Variants in TET2 observed in about 807,000 individuals in gnomAD.
TET2 encodes the protein tet methylcytosine dioxygenase 2.
Under a neutral mutation model 142.9 loss-of-function variants are expected in TET2, and 299 were observed. The observed-to-expected ratio is 2.09, with a 90% confidence interval of 1.90 to 2.30. The LOEUF (loss-of-function observed/expected upper bound fraction) is 2.30, where lower values mean the gene tolerates loss of function less well. TET2 is among the 30% of genes most tolerant of loss of function. The pLI, the probability that TET2 is intolerant of heterozygous loss-of-function variation, is 0.00. For synonymous variants in TET2, 819 were observed against 849.0 expected, an observed-to-expected ratio of 0.96 and a Z score of 0.61; for missense variants, 2,418 against 2,378.0, an observed-to-expected ratio of 1.02 and a Z score of -0.35.
rs1273672389 is a variant in TET2, at chr4:105,235,647, G to A, written c.1705G>A (p.Ala569Thr). 3 of 1,613,986 alleles carry A rather than the reference G, an allele frequency of 1.9e-6. No individual in the cohort carries two copies. In the Admixed American group the frequency reaches 5.0e-5, roughly 27 times the overall value. ...YLKPGWIELK[A>T]PRFHQAESHL... ...GAAACCAGGATGGATTGAATTGAAG[G>A]CCCCTCGTTTTCACCAAGCGGAATC... Residue 569 changes from alanine to threonine, a missense_variant, in exon 3 of 11, where the codon GCC (alanine) becomes ACC (threonine). By Grantham distance (58) the Ala-to-Thr change is moderately conservative. Transcript: ENST00000380013.
Position 105,276,725 on chromosome 4 carries a change from C to A in TET2, c.*206C>A. 2 of 539,884 alleles carry A rather than the reference C, an allele frequency of 3.7e-6. No homozygotes were observed. Among genetic ancestry groups the A allele is most frequent in the Non-Finnish European group, 6.3e-6 (2 of 316,292 alleles). 33.4% of individuals were successfully genotyped at this position (539,884 alleles called of 1,614,324 possible). A position where few individuals can be genotyped will look rare whatever the true frequency, so the allele number is the denominator to read the frequency against. On this transcript the variant is annotated 3_prime_UTR_variant, in exon 11 of 11. Coordinates refer to ENST00000380013, the MANE Select transcript of TET2 (RefSeq NM_001127208.3). ...GCTCCCAAGTGGTCACAGATGGCAT[C>A]TAGGAAAAGACCAAAGCATTCTATG...
chr4:105,272,166 G>GA (rs1730993443), intron 9 of TET2, among the ~76,000 whole-genome samples: 1 of 152,146 alleles, frequency 6.6e-6, no homozygotes, highest in Admixed American at 6.5e-5. Flanking sequence ...TCATTTCGTA[G>GA]AAAAAACTTT....
Position 105,243,756 on chromosome 4 carries a change from C to A in TET2, c.3781C>A (p.Arg1261Ser), listed in dbSNP as rs898441677. Reference protein sequence around the residue: ...TLRKYGTLTNRRCALNEERTC... With the variant: ...TLRKYGTLTNSRCALNEERTC... ...GAGGAAATACGGCACGCTCACCAAT[C>A]GCCGGTGTGCCTTGAATGAAGAGTA... The change falls in exon 6 of 11, where the codon CGC becomes AGC. Residue 1261 changes from arginine to serine, a missense_variant. By Grantham distance (110) the Arg-to-Ser change is moderately radical. Coordinates refer to ENST00000380013, the MANE Select transcript of TET2 (RefSeq NM_001127208.3). The A allele has an allele frequency of 1.3e-6, 2 of 1,551,322 alleles. No individual in the cohort carries two copies. Among genetic ancestry groups the A allele is most frequent in the Non-Finnish European group, 1.7e-6 (2 of 1,146,878 alleles).
At chr4:105,258,095 G>A (rs552483605) in intron 6 of TET2, among the ~76,000 whole-genome samples, 1 of 152,238 alleles carries the variant, frequency 6.6e-6, no homozygotes, top group South Asian at 2.1e-4. Flanking sequence ...GAGCTGTGGG[G>A]AAAGTTAAAA....
At chr4:105,268,282 A>G (rs1730787360) in intron 8 of TET2, among the ~76,000 whole-genome samples, 1 of 152,200 alleles carries the variant, frequency 6.6e-6, no homozygotes, top group Non-Finnish European at 1.5e-5. Flanking sequence ...ATAAATCAAA[A>G]TAAACCATTA....
At chr4:105,163,854 A>AGAGAGAGAGAGAGAGAGTGT (rs1553942671) in intron 1 of TET2, among the ~76,000 whole-genome samples, 19 of 85,160 alleles carry the variant, frequency 2.2e-4, no homozygotes, top group Non-Finnish European at 4.1e-4. Flanking sequence ...AGAGAGAGAG[A>AGAGAGAGAGAGAGAGAGTGT]GTGTGTGTGT....
chr4:105,173,943 A>G (rs1026054533), intron 1 of TET2, among the ~76,000 whole-genome samples: 1 of 152,222 alleles, frequency 6.6e-6, no homozygotes, highest in Non-Finnish European at 1.5e-5. Context: ...TATTTTACCC[A>G]TGCATGCAAA....
intron 2 of TET2, among the ~76,000 whole-genome samples, chr4:105,222,294 A>G (rs1452060911): frequency 6.6e-6 from 1 of 152,168 alleles, no homozygotes; most frequent in Non-Finnish European, 1.5e-5. Flanking sequence ...CGCCACACTG[A>G]CTTCCACAAT....
chr4:105,178,798 C>T (rs970303520), intron 1 of TET2, among the ~76,000 whole-genome samples: 4 of 151,806 alleles, frequency 2.6e-5, no homozygotes, highest in African/African-American at 7.3e-5. Context: ...TAAATTTAGG[C>T]AATCTGAAAA....
At chr4:105,218,564 A>G (rs566606812) in intron 2 of TET2, among the ~76,000 whole-genome samples, 1 of 152,224 alleles carries the variant, frequency 6.6e-6, no homozygotes, top group East Asian at 1.9e-4. Flanking sequence ...TTAGAGAATC[A>G]TAGCATTTTA....
At chr4:105,269,835 A>G (rs1730865859) in intron 9 of TET2, 88 bp downstream of exon 9, 1 of 1,436,432 alleles carries the variant, frequency 7.0e-7, no homozygotes, top group Non-Finnish European at 9.5e-7. Flanking sequence ...TAATTTATAA[A>G]GGAAAGAGAT....
intron 2 of TET2, among the ~76,000 whole-genome samples, chr4:105,225,185 C>CGTGTGTGTGTGT (rs79864807): frequency 0.17 from 25,621 of 146,952 alleles, 2,579 homozygotes; most frequent in African/African-American, 0.26. Context: ...AGTAAAAAAT[C>CGTGTGTGTGTGT]GTGTGTGTGT....
At chr4:105,214,378 C>T (rs947784724) in intron 2 of TET2, among the ~76,000 whole-genome samples, 1 of 141,532 alleles carries the variant, frequency 7.1e-6, no homozygotes, top group African/African-American at 2.6e-5. Flanking sequence ...GTGATCATAG[C>T]TCACCGCAGC....
chr4:105,268,101 A>AAT lies in TET2; in HGVS notation c.4045-1507_4045-1506dup, dbSNP rs144711967. Among the ~76,000 whole-genome samples the AAT allele has an allele frequency of 6.8e-3, 1,037 of 152,252 alleles. 16 individuals carry two copies. Among genetic ancestry groups the AAT allele is most frequent in the African/African-American group, 0.023 (965 of 41,552 alleles). On this transcript the variant is annotated intron_variant, in intron 8 of 10. Transcript: ENST00000380013. ...TTTTAGAAAGTGCAGTAAGGCAATA[A>AAT]ATAAAGCAGTCAAGATTGGGTAGGA...
chr4:105,224,707 TC>T (rs1728074432), intron 2 of TET2, among the ~76,000 whole-genome samples: 1 of 150,840 alleles, frequency 6.6e-6, no homozygotes, highest in African/African-American at 2.4e-5. Flanking sequence ...TCTCTCTCTC[TC>T]TCTCTCTCTC....
Position 105,277,731 on chromosome 4 carries a change from A to G in TET2, c.*1212A>G, listed in dbSNP as rs757170891. 1 of 228,026 alleles carries G rather than the reference A, an allele frequency of 4.4e-6. No homozygotes were observed. The highest frequency in any genetic ancestry group is 6.3e-5 in the East Asian group (1 of 15,858). The allele number at this position is 228,026 out of a possible 1,614,324, so 14.1% of individuals were successfully genotyped here. On this transcript the variant is annotated 3_prime_UTR_variant, in exon 11 of 11. Coordinates refer to ENST00000380013, the MANE Select transcript of TET2 (RefSeq NM_001127208.3). ...TTATACAAAATTGTATGACAAGTTCATTGCTCAAAAATGTACAGTTTTAAG... is the reference window on the plus strand; with the variant it reads ...TTATACAAAATTGTATGACAAGTTCGTTGCTCAAAAATGTACAGTTTTAAG...
Position 105,236,717 on chromosome 4 carries a change from A to T in TET2, c.2775A>T (p.Ala925=). The change falls in exon 3 of 11, where the codon GCA becomes GCT. Residue 925 remains alanine (A), a synonymous_variant. Coordinates refer to ENST00000380013, the MANE Select transcript of TET2 (RefSeq NM_001127208.3). ...AQQRYLIHNH[A]NVFPVPDQGG... is the part of the protein sequence containing the mutation. ...AAAGGTACTTGATACATAACCATGCAAATGTTTTTCCTGTGCCTGACCAGG... is the reference window on the plus strand; with the variant it reads ...AAAGGTACTTGATACATAACCATGCTAATGTTTTTCCTGTGCCTGACCAGG... 1.2e-6 allele frequency: 2 copies of T among 1,614,128 alleles called. No individual in the cohort carries two copies. The highest frequency in any genetic ancestry group is 1.7e-6 in the Non-Finnish European group (2 of 1,180,022).
At chr4:105,174,966 C>G (rs1724695201) in intron 1 of TET2, among the ~76,000 whole-genome samples, 1 of 152,130 alleles carries the variant, frequency 6.6e-6, no homozygotes, top group Non-Finnish European at 1.5e-5. Context: ...TAACTCTGGA[C>G]AACTCAAACC....
chr4:105,236,420 T>A lies in TET2; in HGVS notation c.2478T>A (p.Ser826Arg), dbSNP rs2110233756. The change falls in exon 3 of 11, where the codon AGT becomes AGA. Residue 826 changes from serine (S) to arginine (R), a missense_variant. Coordinates refer to ENST00000380013, the MANE Select transcript of TET2 (RefSeq NM_001127208.3). ...NSPYSQTMKS[S>R]ACKIQVSCSN... Reference sequence around the variant, plus strand: ...CTTATAGTCAGACCATGAAATCAAGTGCATGCAAAATACAGGTTTCTTGTT... The same window carrying A: ...CTTATAGTCAGACCATGAAATCAAGAGCATGCAAAATACAGGTTTCTTGTT... 2 of 1,614,014 alleles carry A rather than the reference T, an allele frequency of 1.2e-6. No homozygotes were observed. Among genetic ancestry groups the A allele is most frequent in the South Asian group, 2.2e-5 (2 of 91,082 alleles).
Sources: gnomAD v4.1 joint callset for allele counts (sites outside exome capture counted in the v4.1 genomes callset) on GRCh38, gnomAD v4.1.1 for gene constraint, MANE v1.5 for transcripts, NCBI Gene and HGNC (gene_info 2026-07-23, HGNC 2026-07-21) for gene names.